HOXB5: variants seen among roughly 807,000 people sequenced by gnomAD.
The protein encoded by HOXB5 is homeobox B5.
In HOXB5, 10 loss-of-function variants were observed where a neutral mutation model predicts 19.6. The observed-to-expected ratio is 0.51, with a 90% CI of 0.32 to 0.87. The LOEUF is 0.87. HOXB5 is among the 40% of genes least tolerant of loss of function. The probability of loss-of-function intolerance (pLI) is 0.04; values close to 1 mark genes in which losing one functional copy is unlikely to be tolerated. For missense variants in HOXB5, 353 were observed against 369.6 expected, an observed-to-expected ratio of 0.96 and a Z score of 0.37; for synonymous variants, 167 against 156.9, an observed-to-expected ratio of 1.06 and a Z score of -0.48.
chr17:48,593,040 C>G lies in HOXB5; in HGVS notation c.562+81G>C. 2 of 1,044,750 alleles carry G rather than the reference C, an allele frequency of 1.9e-6. 1 individual carries two copies. The allele number at this position is 1,044,750 out of a possible 1,614,324, so 64.7% of individuals were successfully genotyped here. ...AATGAATCTATATTTAGGGTAAAGC[C>G]AAGCTCTCCTTGTCCCCCCGATCCC... On this transcript the variant is annotated intron_variant, in intron 1 of 1. Transcript: ENST00000239151.
Position 48,593,446 on chromosome 17 carries a change from G to A in HOXB5, c.237C>T (p.Pro79=). ...VGESSRAFPA[P]AQEPRFRQAA... is the part of the protein sequence containing the mutation. ...CTTGCCTGAAGCGGGGCTCCTGGGC[G>A]GGCGCGGGGAAGGCGCGCGAGCTCT... is the stretch of plus-strand genomic sequence containing the variant. Residue 79 remains proline (P), a synonymous_variant, in exon 1 of 2, where the codon CCC becomes CCT. Coordinates refer to ENST00000239151, the MANE Select transcript of HOXB5 (RefSeq NM_002147.4). The A allele has an allele frequency of 1.2e-6, 2 of 1,610,692 alleles. No homozygotes were observed. Among genetic ancestry groups the A allele is most frequent in the Non-Finnish European group, 1.7e-6 (2 of 1,177,918 alleles).
chr17:48,592,458 T>C lies in HOXB5; in HGVS notation c.563-2A>G. On this transcript the variant is annotated splice_acceptor_variant, in intron 1 of 1. Coordinates refer to ENST00000239151, the MANE Select transcript of HOXB5 (RefSeq NM_002147.4). LOFTEE classifies it high-confidence loss of function. The stretch of plus-strand genomic sequence containing the variant: ...TTTTCCCGTCCGGCCCGGTCATATC[T>C]GGAGCAGATAGAGGAAAGCCGCAAG... The C allele has an allele frequency of 7.3e-7, 1 of 1,375,158 alleles. No homozygotes were observed. The highest frequency in any genetic ancestry group is 9.6e-7 in the Non-Finnish European group (1 of 1,038,510). The allele number at this position is 1,375,158 out of a possible 1,614,324, so 85.2% of individuals were successfully genotyped here. A position where few individuals can be genotyped will look rare whatever the true frequency, so the allele number is the denominator to read the frequency against.
chr17:48,592,356 C>G lies in HOXB5; in HGVS notation c.663G>C (p.Arg221=). The G allele has an allele frequency of 6.2e-7, 1 of 1,614,206 alleles. No individual in the cohort carries two copies. Among genetic ancestry groups the G allele is most frequent in the Non-Finnish European group, 8.5e-7 (1 of 1,180,042 alleles). Residue 221 remains arginine, a synonymous_variant, in exon 2 of 2, where the codon CGG becomes CGC. Coordinates refer to ENST00000239151, the MANE Select transcript of HOXB5 (RefSeq NM_002147.4). ...KEFHFNRYLT[R]RRRIEIAHAL... The stretch of plus-strand genomic sequence containing the variant: ...CGTGGGCGATCTCGATGCGCCGTCG[C>G]CGGGTCAGGTAGCGGTTGAAGTGGA...
Position 48,593,328 on chromosome 17 carries a change from C to G in HOXB5, c.355G>C (p.Asp119His). ...CTGGAGCTGGCTGAGGTCGCCTGGTCGGAGGGGGACGAAGCAGAGGGCTTG... is the reference window on the plus strand; with the variant it reads ...CTGGAGCTGGCTGAGGTCGCCTGGTGGGAGGGGGACGAAGCAGAGGGCTTG... ...GAKPSASSPS[D>H]QATSASSSAN... is the part of the protein sequence containing the mutation. Residue 119 changes from aspartate (D) to histidine (H), a missense_variant, in exon 1 of 2, where the codon GAC becomes CAC. By Grantham distance (81) the Asp-to-His change is moderately conservative. Coordinates refer to ENST00000239151, the MANE Select transcript of HOXB5 (RefSeq NM_002147.4). The G allele has an allele frequency of 6.2e-7, 1 of 1,609,164 alleles. No individual in the cohort carries two copies. Among genetic ancestry groups the G allele is most frequent in the Middle Eastern group, 1.7e-4 (1 of 6,028 alleles).
intron 1 of HOXB5, 51 bp downstream of exon 1, chr17:48,593,070 C>CAA: frequency 1.9e-6 from 2 of 1,039,434 alleles, no homozygotes; most frequent in Non-Finnish European, 2.8e-6. Flanking sequence ...GATCCCACCC[C>CAA]AAAACGCAGA....
chr17:48,593,067 C>T, intron 1 of HOXB5, 54 bp downstream of exon 1: 1 of 858,724 alleles, frequency 1.2e-6, no homozygotes, highest in East Asian at 2.8e-5. Flanking sequence ...CCCGATCCCA[C>T]CCCAAAACGC....
Position 48,593,239 on chromosome 17 carries a change from C to T in HOXB5, c.444G>A (p.Gln148=), listed in dbSNP as rs2070194554. The change falls in exon 1 of 2, where the codon CAG becomes CAA. Residue 148 remains glutamine (Q), a synonymous_variant. Transcript: ENST00000239151. ...ASSEPEEAAS[Q]LSSPSLARAQ... ...CCCGAGCTAGGCTGGGGCTGCTTAG[C>T]TGGCTTGCCGCTTCCTCAGGCTCCG... 4 of 1,613,714 alleles carry T rather than the reference C, an allele frequency of 2.5e-6. No individual in the cohort carries two copies. Among genetic ancestry groups the T allele is most frequent in the African/African-American group, 1.3e-5 (1 of 74,936 alleles).
chr17:48,593,074 ACGCAGAGAAGGAAAGCCGAGAAG>A, intron 1 of HOXB5, 24 bp downstream of exon 1: 1 of 1,103,604 alleles, frequency 9.1e-7, no homozygotes, highest in Non-Finnish European at 1.3e-6. Flanking sequence ...CCACCCCAAA[ACGCAGAGAAGGAAAGCCGAGAAG>A]ACAAAAAAGA....
rs758557996 is a variant in HOXB5, at chr17:48,593,527, C to T, written c.156G>A (p.Met52Ile). 1.1e-5 allele frequency: 18 copies of T among 1,613,176 alleles called. No homozygotes were observed. In the African/African-American group the frequency reaches 2.4e-4, roughly 22 times the overall value. The change falls in exon 1 of 2, where the codon ATG becomes ATA. Residue 52 changes from methionine to isoleucine, a missense_variant. Physicochemically the swap from Met to Ile is conservative, Grantham distance 10. Transcript: ENST00000239151. Reference protein sequence around the residue: ...TGSYGYNYNGMDLSVNRSSAS... With the variant: ...TGSYGYNYNGIDLSVNRSSAS... ...CCGAGGAGCGGTTGACGCTGAGGTC[C>T]ATCCCATTGTAATTGTAGCCGTAAG... is the stretch of plus-strand genomic sequence containing the variant.
Position 48,592,449 on chromosome 17 carries a change from G to A in HOXB5, c.570C>T (p.Thr190=). 1 of 1,558,618 alleles carries A rather than the reference G, an allele frequency of 6.4e-7. No individual in the cohort carries two copies. Among genetic ancestry groups the A allele is most frequent in the South Asian group, 1.1e-5 (1 of 90,466 alleles). Residue 190 remains threonine (T), a synonymous_variant, in exon 2 of 2, where the codon ACC becomes ACT. Coordinates refer to ENST00000239151, the MANE Select transcript of HOXB5 (RefSeq NM_002147.4). ...TCCGGGCCCTTTTCCCGTCCGGCCC[G>A]GTCATATCTGGAGCAGATAGAGGAA... ...MRKLHISHDM[T]GPDGKRARTA...
In HOXB5 at chr17:48,592,187, C is replaced by A. The variant is rs776087425; in HGVS notation, c.*22G>T. The A allele has an allele frequency of 3.1e-6, 5 of 1,607,658 alleles. No homozygotes were observed. The highest frequency in any genetic ancestry group is 1.1e-5 in the South Asian group (1 of 90,798). On this transcript the variant is annotated 3_prime_UTR_variant, in exon 2 of 2. Transcript: ENST00000239151. ...CTGGGGGTGGCACGGGCTCTTGGGC[C>A]GCTGGGCTCCTCTGGGCGGGCTCAG...
rs945124030 is a variant in HOXB5, at chr17:48,593,389, C to G, written c.294G>C (p.Glu98Asp). 1.9e-6 allele frequency: 3 copies of G among 1,602,728 alleles called. No homozygotes were observed. Among genetic ancestry groups the G allele is most frequent in the Non-Finnish European group, 2.6e-6 (3 of 1,172,886 alleles). The change falls in exon 1 of 2, where the codon GAG becomes GAC. Residue 98 changes from glutamate to aspartate, a missense_variant. By Grantham distance (45) the Glu-to-Asp change is conservative (BLOSUM62 2). Transcript: ENST00000239151. ...AASSCSLSSP[E>D]SLPCTNGDSH... ...TGTCGCCGTTGGTGCAGGGCAGGGA[C>G]TCGGGCGAGGACAGGGAGCAGCTCG...
chr17:48,592,641 C>G (rs1413705554), intron 1 of HOXB5, among the ~76,000 whole-genome samples, 185 bp from the exon 2 acceptor site: 1 of 152,212 alleles, frequency 6.6e-6, no homozygotes, highest in Non-Finnish European at 1.5e-5. Context: ...ACTGCATCCC[C>G]CACTTCTGCA....
At chr17:48,593,053 T>TGCCCCCCCACCCC in intron 1 of HOXB5, 68 bp downstream of exon 1, 3 of 621,652 alleles carry the variant, frequency 4.8e-6, no homozygotes, top group Non-Finnish European at 8.6e-6. Context: ...GCTCTCCTTG[T>TGCCCCCCCACCCC]CCCCCCGATC....
In HOXB5 at chr17:48,591,358, C is replaced by T. The variant is rs746894739; in HGVS notation, c.*851G>A. On this transcript the variant is annotated 3_prime_UTR_variant, in exon 2 of 2. Coordinates refer to ENST00000239151, the MANE Select transcript of HOXB5 (RefSeq NM_002147.4). ...CCGCAAAGACAGATTTCACACGTAG[C>T]ACAGCATCCACTCGCTCACTACAAA... 6.6e-6 allele frequency: 1 copy of T among 152,654 alleles called. No individual in the cohort carries two copies. The highest frequency in any genetic ancestry group is 1.5e-5 in the Non-Finnish European group (1 of 68,056). 9.5% of individuals were successfully genotyped at this position (152,654 alleles called of 1,614,324 possible).
At position 48,591,940 on chromosome 17, in the gene HOXB5, C is replaced by A; in HGVS notation, c.*269G>T. 4.6e-6 allele frequency: 1 copy of A among 218,580 alleles called. No individual in the cohort carries two copies. Among genetic ancestry groups the A allele is most frequent in the Non-Finnish European group, 8.7e-6 (1 of 114,916 alleles). 13.5% of individuals were successfully genotyped at this position (218,580 alleles called of 1,614,324 possible). A position where few individuals can be genotyped will look rare whatever the true frequency, so the allele number is the denominator to read the frequency against. On this transcript the variant is annotated 3_prime_UTR_variant, in exon 2 of 2. Transcript: ENST00000239151. ...AACCACAGACACAAACATTCAGAAA[C>A]ACTGGCGGATTTGGGACAAGCAGAA...
chr17:48,592,158 A>G lies in HOXB5; in HGVS notation c.*51T>C, dbSNP rs1210788595. 4 of 1,588,400 alleles carry G rather than the reference A, an allele frequency of 2.5e-6. No individual in the cohort carries two copies. The highest frequency in any genetic ancestry group is 4.5e-5 in the East Asian group (2 of 44,624). On this transcript the variant is annotated 3_prime_UTR_variant, in exon 2 of 2. Transcript: ENST00000239151. ...CAGAGCGGGGAGGATTGGAGGGGCC[A>G]GGGCTGGGGGTGGCACGGGCTCTTG...
Position 48,592,351 on chromosome 17 carries a change from C to G in HOXB5, c.668G>C (p.Arg223Pro). 1.9e-6 allele frequency: 3 copies of G among 1,614,156 alleles called. No homozygotes were observed. Among genetic ancestry groups the G allele is most frequent in the Non-Finnish European group, 2.5e-6 (3 of 1,180,036 alleles). The change falls in exon 2 of 2, where the codon CGG becomes CCG. Residue 223 changes from arginine to proline, a missense_variant. By Grantham distance (103) the Arg-to-Pro change is moderately radical (BLOSUM62 -2). Coordinates refer to ENST00000239151, the MANE Select transcript of HOXB5 (RefSeq NM_002147.4). ...GAGTGCGTGGGCGATCTCGATGCGC[C>G]GTCGCCGGGTCAGGTAGCGGTTGAA... Reference protein sequence around the residue: ...FHFNRYLTRRRRIEIAHALCL... With the variant: ...FHFNRYLTRRPRIEIAHALCL...
rs1182382312 is a variant in HOXB5, at chr17:48,593,244, T to C, written c.439A>G (p.Ser147Gly). The part of the protein sequence containing the change: ...SASSEPEEAA[S>G]QLSSPSLARA... ...GCTAGGCTGGGGCTGCTTAGCTGGCTTGCCGCTTCCTCAGGCTCCGAGGAC... is the reference window on the plus strand; with the variant it reads ...GCTAGGCTGGGGCTGCTTAGCTGGCCTGCCGCTTCCTCAGGCTCCGAGGAC... The change falls in exon 1 of 2, where the codon AGC becomes GGC. Residue 147 changes from serine (S) to glycine (G), a missense_variant. By Grantham distance (56) the Ser-to-Gly change is moderately conservative (BLOSUM62 0). Transcript: ENST00000239151. The C allele has an allele frequency of 2.5e-6, 4 of 1,613,836 alleles. No homozygotes were observed. In the South Asian group the frequency reaches 3.3e-5, roughly 13 times the overall value.
Sources: allele counts gnomAD v4.1 joint callset (sites outside exome capture counted in the v4.1 genomes callset), GRCh38; gene constraint gnomAD v4.1.1; transcripts MANE v1.5; gene names NCBI Gene and HGNC (gene_info 2026-07-23, HGNC 2026-07-21).